The following MACF1 variants were observed in gnomAD, a reference collection of about 807,000 sequenced individuals.
The protein encoded by MACF1 is microtubule actin crosslinking factor 1, also known as microtubule-actin cross-linking factor 1.
MACF1 carries 193 observed loss-of-function variants against 854.8 expected under a neutral mutation model. The ratio of observed to expected loss-of-function variants is 0.23; its 90% CI spans 0.20 to 0.25. The LOEUF is 0.25. Ranked by LOEUF, MACF1 falls within the 10% of genes least tolerant of loss-of-function variation. The pLI is 1.00. For synonymous variants in MACF1, 3,185 were observed against 3,226.7 expected, an observed-to-expected ratio of 0.99 and a Z score of 0.44; for missense variants, 7,722 against 8,929.1, an observed-to-expected ratio of 0.86 and a Z score of 5.45.
intron 58 of MACF1, among the ~76,000 whole-genome samples, chr1:39,403,927 G>A (rs180970953): frequency 2.4e-4 from 36 of 152,006 alleles, no homozygotes; most frequent in African/African-American, 7.7e-4. Context: ...TCAGGAGTTC[G>A]AAACCAGCCT....
intron 57 of MACF1, 21 bp downstream of exon 57, chr1:39,385,950 T>C: frequency 6.3e-7 from 1 of 1,584,552 alleles, no homozygotes; most frequent in Non-Finnish European, 8.6e-7. Context: ...GTGAAGAACA[T>C]ACTTCTGCCA....
intron 49 of MACF1, among the ~76,000 whole-genome samples, chr1:39,363,961 G>T (rs1351470666): frequency 6.6e-6 from 1 of 152,126 alleles, no homozygotes; most frequent in Non-Finnish European, 1.5e-5. Flanking sequence ...CCGAAATTGT[G>T]CTATTACTAC....
At chr1:39,297,856 A>G in intron 21 of MACF1, 111 bp downstream of exon 21, 1 of 1,305,416 alleles carries the variant, frequency 7.7e-7, no homozygotes, top group Non-Finnish European at 1.0e-6. Flanking sequence ...TTGTTGTAAT[A>G]AAGTTTGGCT....
intron 2 of MACF1, among the ~76,000 whole-genome samples, chr1:39,151,317 A>T (rs1043993512): frequency 6.6e-5 from 10 of 152,096 alleles, no homozygotes; most frequent in African/African-American, 1.9e-4. Context: ...CTTAGTTCAG[A>T]TTCTGTATCT....
intron 51 of MACF1, among the ~76,000 whole-genome samples, chr1:39,370,691 C>T (rs149913953): frequency 3.9e-5 from 6 of 152,326 alleles, no homozygotes; most frequent in African/African-American, 1.4e-4. Flanking sequence ...GTAAAGCATA[C>T]TTCATCCTGA....
chr1:39,173,208 C>T (rs574334814), intron 2 of MACF1, among the ~76,000 whole-genome samples: 15 of 151,996 alleles, frequency 9.9e-5, no homozygotes, highest in East Asian at 9.7e-4. Flanking sequence ...GATGTGGTGG[C>T]GCATGCCTGT....
At chr1:39,257,782 G>A (rs1055062985) in intron 5 of MACF1, 154 bp from the exon 6 acceptor site, 15 of 594,180 alleles carry the variant, frequency 2.5e-5, no homozygotes, top group Admixed American at 1.9e-4. Flanking sequence ...TTTTGTGGTG[G>A]TAGTTGCATG....
chr1:39,458,552 C>G, intron 90 of MACF1, 62 bp downstream of exon 90: 1 of 1,510,714 alleles, frequency 6.6e-7, no homozygotes, highest in Admixed American at 2.2e-5. Context: ...TGAGCACTTT[C>G]CAAATGCCTA....
At chr1:39,143,973 A>G (rs896876784) in intron 2 of MACF1, among the ~76,000 whole-genome samples, 85 of 151,530 alleles carry the variant, frequency 5.6e-4, no homozygotes, top group Non-Finnish European at 2.9e-4. Context: ...CATTTTTAGT[A>G]GAGATGGGCT....
intron 94 of MACF1, chr1:39,463,913 G>A (rs1644608772): frequency 2.4e-6 from 1 of 409,714 alleles, no homozygotes; most frequent in Admixed American, 3.4e-5. Context: ...TAAGATAGGA[G>A]ATATTTCAGA....
intron 1 of MACF1, 130 bp from the exon 2 acceptor site, chr1:39,231,052 A>G (rs1644771912): frequency 1.4e-6 from 1 of 731,748 alleles, no homozygotes; most frequent in Non-Finnish European, 2.5e-6. Context: ...CCTTCCTAAG[A>G]AGAAGTCACT....
chr1:39,162,701 A>C (rs188780982), intron 2 of MACF1, among the ~76,000 whole-genome samples: 3 of 152,262 alleles, frequency 2.0e-5, no homozygotes, highest in East Asian at 3.9e-4. Flanking sequence ...ATTTGTAAGA[A>C]AGGGGATGAT....
At chr1:39,445,901 A>C (rs1197632018) in intron 80 of MACF1, among the ~76,000 whole-genome samples, 2 of 152,098 alleles carry the variant, frequency 1.3e-5, no homozygotes, top group African/African-American at 2.4e-5. Context: ...TTGAGGCTGC[A>C]GTGAGCAGTG....
At position 39,346,613 on chromosome 1, in the gene MACF1, G is replaced by A. The variant is rs984218435; in HGVS notation, c.10582-364G>A. Among the ~76,000 whole-genome samples the A allele has an allele frequency of 2.7e-5, 4 of 149,920 alleles. No homozygotes were observed. In the East Asian group the frequency reaches 8.2e-4, roughly 31 times the overall value. ...CGGCTCACCGCAACCTCTGCCTCCC[G>A]GGTTCACGCCATTCTCCTGCCTCAG... On this transcript the variant is annotated intron_variant, in intron 40 of 100. Coordinates refer to ENST00000564288, the MANE Select transcript of MACF1 (RefSeq NM_001394062.1).
intron 49 of MACF1, among the ~76,000 whole-genome samples, chr1:39,364,709 G>T (rs972704415): frequency 1.3e-5 from 2 of 151,686 alleles, no homozygotes; most frequent in African/African-American, 4.8e-5. Flanking sequence ...AGCCAGGATG[G>T]TCTCGATCTC....
At chr1:39,471,910 G>A (rs920846254) in intron 97 of MACF1, among the ~76,000 whole-genome samples, 56 of 151,852 alleles carry the variant, frequency 3.7e-4, no homozygotes, top group Admixed American at 3.3e-3. Context: ...TCATACTACC[G>A]TCACCACCGT....
chr1:39,325,471 A>C (rs979928789), intron 35 of MACF1, among the ~76,000 whole-genome samples: 5 of 152,244 alleles, frequency 3.3e-5, no homozygotes, highest in African/African-American at 1.2e-4. Flanking sequence ...ACATAGGAGC[A>C]AAAAATATAA....
In MACF1 at chr1:39,380,307, G is replaced by A. The variant is rs767199515; in HGVS notation, c.13582G>A (p.Gly4528Arg). Residue 4528 changes from glycine (G) to arginine (R), a missense_variant, in exon 55 of 101, where the codon GGA becomes AGA. This residue lies in a region of MACF1 where 2,807 missense variants were observed against 3,235.8 expected (regional missense o/e 0.87). Coordinates refer to ENST00000564288, the MANE Select transcript of MACF1 (RefSeq NM_001394062.1). ...KIQKVKEALA[G>R]LLVTYPNSQE... The stretch of plus-strand genomic sequence containing the variant: ...TCAAAAAGTAAAGGAAGCCCTGGCT[G>A]GATTACTGGTGACATATCCCAACTC... 1.2e-6 allele frequency: 2 copies of A among 1,613,516 alleles called. No individual in the cohort carries two copies. Among genetic ancestry groups the A allele is most frequent in the South Asian group, 1.1e-5 (1 of 91,026 alleles).
intron 2 of MACF1, among the ~76,000 whole-genome samples, chr1:39,178,023 T>C (rs59910147): frequency 0.023 from 3,489 of 151,940 alleles, 81 homozygotes; most frequent in East Asian, 0.13. Flanking sequence ...ATCTGGGCTG[T>C]CAGGGAAATC....
Sources: allele counts gnomAD v4.1 joint callset (sites outside exome capture counted in the v4.1 genomes callset), GRCh38; gene constraint gnomAD v4.1.1; regional missense constraint gnomAD v4.1.1; transcripts MANE v1.5; gene names NCBI Gene and HGNC (gene_info 2026-07-23, HGNC 2026-07-21).